The following ADAMTSL3 variants were observed in gnomAD, a reference collection of about 807,000 sequenced individuals.
The protein encoded by ADAMTSL3 is ADAMTS-like protein 3.
ADAMTSL3 carries 128 observed loss-of-function variants against 201.7 expected under a neutral mutation model. The ratio of observed to expected loss-of-function variants is 0.63; its 90% CI spans 0.55 to 0.73. The LOEUF (loss-of-function observed/expected upper bound fraction) is 0.73. Among genes scored for constraint, ADAMTSL3 ranks in the 30% least tolerant of loss-of-function variants. The pLI is 0.00. For missense variants in ADAMTSL3, 1,990 were observed against 2,119.6 expected (o/e 0.94, Z 1.20); for synonymous variants, 738 against 748.4 (o/e 0.99, Z 0.23).
intron 2 of ADAMTSL3, among the ~76,000 whole-genome samples, chr15:83,656,256 T>C (rs749474760): frequency 5.9e-4 from 90 of 152,250 alleles, no homozygotes; most frequent in Non-Finnish European, 5.6e-4. Flanking sequence ...CCCACTGTTT[T>C]ATCCCACAGT....
At chr15:83,702,195 T>C (rs1190111041) in intron 2 of ADAMTSL3, among the ~76,000 whole-genome samples, 1 of 152,134 alleles carries the variant, frequency 6.6e-6, no homozygotes, top group African/African-American at 2.4e-5. Context: ...TGGAAGAAAT[T>C]TCTAAGCAGC....
chr15:83,957,665 A>AT (rs2066886868), intron 19 of ADAMTSL3, among the ~76,000 whole-genome samples: 1 of 152,218 alleles, frequency 6.6e-6, no homozygotes, highest in Non-Finnish European at 1.5e-5. Context: ...TAATTTTAAA[A>AT]TTAATTAGAA....
intron 6 of ADAMTSL3, among the ~76,000 whole-genome samples, chr15:83,825,324 A>G (rs889359668): frequency 3.9e-5 from 6 of 152,208 alleles, no homozygotes; most frequent in African/African-American, 1.2e-4. Flanking sequence ...ATTAAAAGCA[A>G]TTTAGGTTGG....
At chr15:83,912,356 A>C (rs1157280235) in intron 15 of ADAMTSL3, among the ~76,000 whole-genome samples, 8 of 152,230 alleles carry the variant, frequency 5.3e-5, no homozygotes, top group Non-Finnish European at 1.2e-4. Flanking sequence ...ACATGTCACA[A>C]AATATCTTTT....
intron 21 of ADAMTSL3, among the ~76,000 whole-genome samples, chr15:83,987,181 C>G (rs2067495671): frequency 6.6e-6 from 1 of 152,370 alleles, no homozygotes. Flanking sequence ...TCTCCTCCAT[C>G]AGGATTTGAC....
chr15:83,943,106 A>T (rs1451837167), intron 19 of ADAMTSL3, 24 bp downstream of exon 19: 1 of 1,576,854 alleles, frequency 6.3e-7, no homozygotes, highest in South Asian at 1.2e-5. Flanking sequence ...TCAACTTTAT[A>T]GTCCCTTCTT....
intron 9 of ADAMTSL3, among the ~76,000 whole-genome samples, chr15:83,876,453 A>G (rs1487866548): frequency 1.3e-5 from 2 of 151,562 alleles, no homozygotes; most frequent in East Asian, 3.9e-4. Context: ...TTTTTTCTCC[A>G]TTAAATGTAT....
At chr15:83,884,091 C>T (rs28801104) in intron 9 of ADAMTSL3, among the ~76,000 whole-genome samples, 94,423 of 151,336 alleles carry the variant, frequency 0.62, 30,763 homozygotes, top group African/African-American at 0.8. Flanking sequence ...ACCAGGTTTG[C>T]CATGTTGGCC....
intron 20 of ADAMTSL3, among the ~76,000 whole-genome samples, chr15:83,976,695 T>C (rs143473365): frequency 1.3e-5 from 2 of 152,060 alleles, no homozygotes; most frequent in African/African-American, 4.8e-5. Flanking sequence ...CCTATGAGAA[T>C]CTAATGCCAC....
intron 20 of ADAMTSL3, among the ~76,000 whole-genome samples, chr15:83,974,228 G>C (rs2067243373): frequency 6.6e-6 from 1 of 152,158 alleles, no homozygotes; most frequent in Admixed American, 6.5e-5. Flanking sequence ...TTGTGGTTGA[G>C]CTAACTCACC....
At chr15:83,704,988 G>GTT (rs1378200602) in intron 3 of ADAMTSL3, among the ~76,000 whole-genome samples, 1 of 152,012 alleles carries the variant, frequency 6.6e-6, no homozygotes, top group African/African-American at 2.4e-5. Flanking sequence ...GTGTGTGTGT[G>GTT]TGTGTGTGTG....
intron 3 of ADAMTSL3, among the ~76,000 whole-genome samples, chr15:83,749,799 A>C (rs907852625): frequency 1.3e-5 from 2 of 152,208 alleles, no homozygotes; most frequent in Non-Finnish European, 2.9e-5. Flanking sequence ...TCTCGAAAAG[A>C]GTCCTGGGTT....
At chr15:84,019,494 G>A (rs2068156007) in intron 25 of ADAMTSL3, among the ~76,000 whole-genome samples, 1 of 152,124 alleles carries the variant, frequency 6.6e-6, no homozygotes, top group African/African-American at 2.4e-5. Flanking sequence ...AAAAACTATG[G>A]TAGATTTATA....
Position 84,014,631 on chromosome 15 carries a change from C to G in ADAMTSL3, c.4063C>G (p.Gln1355Glu), listed in dbSNP as rs775946811. Residue 1355 changes from glutamine (Q) to glutamate (E), a missense_variant, in exon 24 of 30, where the codon CAG becomes GAG. Transcript: ENST00000286744. ...SLLFNGSLLL[Q>E]NVSLENEGTY... ...GCTTTTCAATGGATCCCTGTTGTTGCAGAATGTTTCCCTTGAAAATGAAGG... is the reference window on the plus strand; with the variant it reads ...GCTTTTCAATGGATCCCTGTTGTTGGAGAATGTTTCCCTTGAAAATGAAGG... 5.0e-6 allele frequency: 8 copies of G among 1,612,990 alleles called. No individual in the cohort carries two copies. Among genetic ancestry groups the G allele is most frequent in the Non-Finnish European group, 6.8e-6 (8 of 1,179,746 alleles).
At chr15:83,836,010 C>A (rs1408099874) in intron 6 of ADAMTSL3, among the ~76,000 whole-genome samples, 1 of 152,188 alleles carries the variant, frequency 6.6e-6, no homozygotes, top group Admixed American at 6.5e-5. Flanking sequence ...CACCTCATGA[C>A]AAAATTGCTC....
intron 25 of ADAMTSL3, among the ~76,000 whole-genome samples, chr15:84,020,374 T>A (rs1408565302): frequency 1.3e-5 from 2 of 152,202 alleles, no homozygotes; most frequent in African/African-American, 4.8e-5. Context: ...GAAAATTAAA[T>A]GAAAAATTGA....
intron 13 of ADAMTSL3, among the ~76,000 whole-genome samples, chr15:83,897,436 C>T (rs2065639471): frequency 1.3e-5 from 2 of 152,122 alleles, no homozygotes; most frequent in Non-Finnish European, 2.9e-5. Flanking sequence ...AAATAATCCT[C>T]TGGCATAATT....
intron 26 of ADAMTSL3, among the ~76,000 whole-genome samples, chr15:84,024,381 C>A (rs2068264276): frequency 6.6e-6 from 1 of 152,012 alleles, no homozygotes. Context: ...TTTGAGATAC[C>A]TGTCATAATG....
At chr15:83,908,773 A>C (rs574636849) in intron 15 of ADAMTSL3, among the ~76,000 whole-genome samples, 11 of 152,336 alleles carry the variant, frequency 7.2e-5, no homozygotes, top group Non-Finnish European at 8.8e-5. Context: ...TTAGCGGTGT[A>C]AAACAACACA....
Sources: gnomAD v4.1 joint callset for allele counts (sites outside exome capture counted in the v4.1 genomes callset) on GRCh38, gnomAD v4.1.1 for gene constraint, MANE v1.5 for transcripts, NCBI Gene and HGNC (gene_info 2026-07-23, HGNC 2026-07-21) for gene names.